Variants in GSK3B observed in about 807,000 individuals in gnomAD.
GSK3B encodes the protein glycogen synthase kinase-3 beta.
Under a neutral mutation model 56.4 loss-of-function variants are expected in GSK3B, and 15 were observed. That is an observed-to-expected ratio of 0.27 (90% CI 0.18 to 0.41). The LOEUF (loss-of-function observed/expected upper bound fraction) is 0.41. Ranked by LOEUF, GSK3B falls within the 10% of genes least tolerant of loss-of-function variation. The pLI is 1.00. For missense variants in GSK3B, 300 were observed against 513.4 expected (o/e 0.58, Z 4.02); for synonymous variants, 181 against 188.9 (o/e 0.96, Z 0.34).
intron 1 of GSK3B, among the ~76,000 whole-genome samples, chr3:120,022,670 C>A (rs372154857): frequency 6.6e-6 from 1 of 152,176 alleles, no homozygotes; most frequent in South Asian, 2.1e-4. Flanking sequence ...CTCTTCAAGG[C>A]GGAAGAGTAC....
intron 2 of GSK3B, among the ~76,000 whole-genome samples, chr3:119,988,305 A>T (rs1029693849): frequency 2.0e-5 from 3 of 152,222 alleles, no homozygotes; most frequent in Admixed American, 2.0e-4. Flanking sequence ...CTTTTGAGCT[A>T]TTAACAGCTT....
Position 119,843,267 on chromosome 3 carries a change from T to C in GSK3B, c.1183A>G (p.Thr395Ala), listed in dbSNP as rs201103601. The C allele has an allele frequency of 1.9e-5, 31 of 1,604,990 alleles. No homozygotes were observed. Among genetic ancestry groups the C allele is most frequent in the Middle Eastern group, 3.3e-4 (2 of 6,034 alleles). Residue 395 changes from threonine to alanine, a missense_variant, in exon 10 of 11, where the codon ACA becomes GCA. Around this residue, in one of 6 missense-constraint regions of GSK3B, gnomAD observed 88 missense variants for 92.7 expected, o/e 0.95. Transcript: ENST00000264235. ...QAAASTPTNA[T>A]AASDANTGDR... Reference sequence around the variant, plus strand: ...AGAACGTTCTTACCTGACGCTGCTGTGGCATTTGTGGGGGTTGAAGCAGCT... The same window carrying C: ...AGAACGTTCTTACCTGACGCTGCTGCGGCATTTGTGGGGGTTGAAGCAGCT...
chr3:120,091,048 G>A (rs1433740864), intron 1 of GSK3B, among the ~76,000 whole-genome samples: 3 of 151,922 alleles, frequency 2.0e-5, no homozygotes, highest in Non-Finnish European at 4.4e-5. Flanking sequence ...CACCTTGTCC[G>A]CAGGAAGTCT....
chr3:119,942,861 C>A (rs1236544941), intron 3 of GSK3B, among the ~76,000 whole-genome samples: 3 of 151,842 alleles, frequency 2.0e-5, no homozygotes, highest in Non-Finnish European at 4.4e-5. Context: ...TCTCATTTTT[C>A]TCTAATGGGA....
chr3:119,992,685 A>T (rs911288969), intron 2 of GSK3B, among the ~76,000 whole-genome samples: 3 of 152,040 alleles, frequency 2.0e-5, no homozygotes, highest in Non-Finnish European at 4.4e-5. Context: ...TACACATATC[A>T]CACCTAATAT....
intron 1 of GSK3B, among the ~76,000 whole-genome samples, chr3:120,058,188 GA>G (rs1001158620): frequency 2.0e-5 from 3 of 151,822 alleles, no homozygotes; most frequent in Admixed American, 1.3e-4. Context: ...TACAGACAAA[GA>G]AAAAAACTAT....
chr3:119,876,972 T>G (rs1454542086), intron 7 of GSK3B, among the ~76,000 whole-genome samples: 1 of 152,160 alleles, frequency 6.6e-6, no homozygotes, highest in African/African-American at 2.4e-5. Context: ...TTTCTATTGT[T>G]TATATATTAT....
chr3:119,995,475 T>C (rs188004112), intron 2 of GSK3B, among the ~76,000 whole-genome samples: 1 of 152,274 alleles, frequency 6.6e-6, no homozygotes, highest in Admixed American at 6.5e-5. Flanking sequence ...ATAATTATTT[T>C]TTTTTTTTGA....
chr3:120,050,343 T>C (rs1333614830), intron 1 of GSK3B, among the ~76,000 whole-genome samples: 2 of 152,178 alleles, frequency 1.3e-5, no homozygotes, highest in Non-Finnish European at 2.9e-5. Context: ...AAACAAACCA[T>C]ATCTAAACCA....
chr3:120,068,045 T>C (rs771569977), intron 1 of GSK3B, among the ~76,000 whole-genome samples: 1 of 152,208 alleles, frequency 6.6e-6, no homozygotes, highest in Non-Finnish European at 1.5e-5. Context: ...TCCTTCTCTT[T>C]TAGAAACAAA....
intron 7 of GSK3B, among the ~76,000 whole-genome samples, chr3:119,882,267 T>TA (rs1194701971): frequency 1.3e-5 from 2 of 152,206 alleles, no homozygotes; most frequent in Non-Finnish European, 2.9e-5. Flanking sequence ...GCTTAACATA[T>TA]AAACTTTTAA....
chr3:119,995,162 CAAA>C (rs1365906440), intron 2 of GSK3B, among the ~76,000 whole-genome samples: 3 of 67,774 alleles, frequency 4.4e-5, no homozygotes, highest in Non-Finnish European at 6.5e-5. Context: ...ACTGTCTCTA[CAAA>C]AAAAAAAAAA....
chr3:119,982,237 T>C (rs1175688072), intron 2 of GSK3B, among the ~76,000 whole-genome samples: 1 of 152,064 alleles, frequency 6.6e-6, no homozygotes, highest in African/African-American at 2.4e-5. Flanking sequence ...CGAAGGTAGA[T>C]AAAACCACAA....
In GSK3B at chr3:119,822,441, AAAACTT is replaced by A. The variant is rs1413113777; in HGVS notation, c.*4341_*4346del. The A allele has an allele frequency of 4.5e-6, 1 of 220,924 alleles. No individual in the cohort carries two copies. The highest frequency in any genetic ancestry group is 6.7e-5 in the East Asian group (1 of 14,982). The allele number at this position is 220,924 out of a possible 1,614,324, so 13.7% of individuals were successfully genotyped here. On this transcript the variant is annotated 3_prime_UTR_variant, in exon 11 of 11. Coordinates refer to ENST00000264235, the MANE Select transcript of GSK3B (RefSeq NM_001146156.2). ...GTAGACAGATATAGTTAAGGAAAAAAAAACTTAAAAATTAACACAAGGAAGTCTACT... is the reference window on the plus strand; with the variant it reads ...GTAGACAGATATAGTTAAGGAAAAAAAAAAATTAACACAAGGAAGTCTACT...
At chr3:119,911,392 T>C (rs914799388) in intron 6 of GSK3B, among the ~76,000 whole-genome samples, 1 of 152,264 alleles carries the variant, frequency 6.6e-6, no homozygotes, top group African/African-American at 2.4e-5. Flanking sequence ...TCAGCATCAT[T>C]CTTAAGGGCC....
chr3:120,069,518 T>C (rs1490036089), intron 1 of GSK3B, among the ~76,000 whole-genome samples: 1 of 152,082 alleles, frequency 6.6e-6, no homozygotes, highest in Non-Finnish European at 1.5e-5. Flanking sequence ...GACAACCCAG[T>C]TGGGGGTGTG....
intron 8 of GSK3B, among the ~76,000 whole-genome samples, chr3:119,869,438 C>T (rs1038662452): frequency 1.3e-5 from 2 of 152,086 alleles, no homozygotes; most frequent in Non-Finnish European, 2.9e-5. Context: ...GTAGGATACA[C>T]AAACTGAATT....
At chr3:120,028,080 T>C (rs564122048) in intron 1 of GSK3B, among the ~76,000 whole-genome samples, 36 of 152,256 alleles carry the variant, frequency 2.4e-4, no homozygotes, top group Non-Finnish European at 4.1e-4. Flanking sequence ...GCCTCATTCA[T>C]AGTCAATGTT....
At chr3:120,011,969 TCTCCA>T (rs2057782297) in intron 1 of GSK3B, among the ~76,000 whole-genome samples, 7 of 152,146 alleles carry the variant, frequency 4.6e-5, no homozygotes, top group Non-Finnish European at 7.3e-5. Context: ...CATATTCTTT[TCTCCA>T]TTTCCCCTTA....
Sources: gnomAD v4.1 joint callset for allele counts (sites outside exome capture counted in the v4.1 genomes callset) on GRCh38, gnomAD v4.1.1 for gene constraint, gnomAD v4.1.1 regional missense constraint, MANE v1.5 for transcripts, NCBI Gene and HGNC (gene_info 2026-07-23, HGNC 2026-07-21) for gene names.